The following METTL8 variants were observed in gnomAD, a reference collection of about 807,000 sequenced individuals.
METTL8 encodes methyltransferase 8, tRNA N3-cytidine.
Under a neutral mutation model 48.7 loss-of-function variants are expected in METTL8, and 32 were observed. The observed-to-expected ratio is 0.66, with a 90% CI of 0.50 to 0.88. The LOEUF is 0.88. METTL8 is among the 40% of genes least tolerant of loss of function. METTL8 has a pLI of 0.00. For synonymous variants in METTL8, 136 were observed against 157.1 expected (o/e 0.87, Z 1.01); for missense variants, 464 against 474.4 (o/e 0.98, Z 0.20).
chr2:171,339,578 GATTT>G (rs764148430), intron 3 of METTL8, 24 bp from the exon 4 acceptor site: 2 of 1,308,554 alleles, frequency 1.5e-6, no homozygotes, highest in African/African-American at 3.0e-5. Context: ...GAAAAAGAAA[GATTT>G]ATTTTACTAC....
At position 171,366,362 on chromosome 2, in the gene METTL8, T is replaced by G. The variant is rs1573997761; in HGVS notation, c.144-5849A>C. On this transcript the variant is annotated intron_variant, in intron 2 of 9. Coordinates refer to ENST00000375258, the MANE Select transcript of METTL8 (RefSeq NM_001321154.2). The stretch of plus-strand genomic sequence containing the variant: ...AGTCCCACCCAAACAACACCTAAAA[T>G]CAAACCTGATCCAAGAAGGAACTGG... Among the ~76,000 whole-genome samples, 3 of 152,104 alleles carry G rather than the reference T, an allele frequency of 2.0e-5. No homozygotes were observed. In the East Asian group the frequency reaches 5.8e-4, roughly 29 times the overall value.
chr2:171,351,132 A>T (rs189515824), intron 3 of METTL8, among the ~76,000 whole-genome samples: 58 of 152,286 alleles, frequency 3.8e-4, no homozygotes, highest in Non-Finnish European at 5.3e-4. Context: ...TCTTGAATTA[A>T]TTTTTGTATA....
chr2:171,402,684 C>T (rs754376766), intron 1 of METTL8, among the ~76,000 whole-genome samples: 3 of 152,252 alleles, frequency 2.0e-5, no homozygotes, highest in Admixed American at 6.6e-5. Flanking sequence ...GCAACAAGCA[C>T]ACCCAGTACC....
chr2:171,364,778 AAC>A (rs1320446346), intron 2 of METTL8, among the ~76,000 whole-genome samples: 13 of 152,290 alleles, frequency 8.5e-5, no homozygotes, highest in Non-Finnish European at 1.6e-4. Context: ...TTCCTGTTAC[AAC>A]TTTTAATAAT....
At position 171,339,451 on chromosome 2, in the gene METTL8, T is replaced by A. The variant is rs1204988019; in HGVS notation, c.339A>T (p.Glu113Asp). 3 of 1,613,554 alleles carry A rather than the reference T, an allele frequency of 1.9e-6. No individual in the cohort carries two copies. Among genetic ancestry groups the A allele is most frequent in the Non-Finnish European group, 2.5e-6 (3 of 1,179,758 alleles). The change falls in exon 4 of 10, where the codon GAA becomes GAT. Residue 113 changes from glutamate to aspartate, a missense_variant. By Grantham distance (45) the Glu-to-Asp change is conservative. Transcript: ENST00000375258. The stretch of plus-strand genomic sequence containing the variant: ...CAGGTTTTTGATCAACTGGAAGAAT[T>A]TCAGGAAATTCCCTCAACAGCCAAT... ...DRNWLLREFP[E>D]ILPVDQKPEE...
chr2:171,349,271 A>T (rs1057253591), intron 3 of METTL8, among the ~76,000 whole-genome samples: 1 of 152,154 alleles, frequency 6.6e-6, no homozygotes, highest in Non-Finnish European at 1.5e-5. Context: ...GCTAAAAACA[A>T]TTATGTTAGA....
chr2:171,412,241 T>C (rs558855838), intron 1 of METTL8, among the ~76,000 whole-genome samples: 5 of 152,278 alleles, frequency 3.3e-5, no homozygotes, highest in African/African-American at 1.2e-4. Context: ...ATCACCTTCA[T>C]CCTAAGGCTA....
At chr2:171,387,183 T>C (rs1688142724) in intron 2 of METTL8, among the ~76,000 whole-genome samples, 1 of 152,176 alleles carries the variant, frequency 6.6e-6, no homozygotes, top group African/African-American at 2.4e-5. Context: ...TGCCTATGCA[T>C]GGCTAAACTA....
In METTL8 at chr2:171,407,325, C is replaced by T. The variant is rs377703457; in HGVS notation, c.-12-15128G>A. Among the ~76,000 whole-genome samples, 11 of 151,450 alleles carry T rather than the reference C, an allele frequency of 7.3e-5. 1 individual carries two copies. The East Asian group carries it at 9.7e-4, about 13-fold the overall frequency. ...CATGCCTAGGTGACAGGGCAAGACC[C>T]GGACTCTAAAAGCGGGGGGGAAATG... On this transcript the variant is annotated intron_variant, in intron 1 of 9. Coordinates refer to ENST00000375258, the MANE Select transcript of METTL8 (RefSeq NM_001321154.2).
intron 2 of METTL8, among the ~76,000 whole-genome samples, chr2:171,369,130 C>A (rs189035427): frequency 1.3e-5 from 2 of 152,092 alleles, no homozygotes; most frequent in East Asian, 3.9e-4. Context: ...ACGGTGAAAC[C>A]CCGTCTCCAC....
intron 7 of METTL8, among the ~76,000 whole-genome samples, chr2:171,327,852 T>C (rs888104584): frequency 1.3e-5 from 2 of 152,250 alleles, no homozygotes; most frequent in African/African-American, 4.8e-5. Context: ...AATATTCACT[T>C]TCAATATAAA....
At chr2:171,393,212 A>G (rs1360254004) in intron 1 of METTL8, among the ~76,000 whole-genome samples, 4 of 151,740 alleles carry the variant, frequency 2.6e-5, no homozygotes, top group East Asian at 1.9e-4. Context: ...CTTGAGTCCA[A>G]GAGTTAGAGA....
intron 7 of METTL8, among the ~76,000 whole-genome samples, chr2:171,329,236 C>A (rs1322977335): frequency 6.6e-6 from 1 of 152,192 alleles, no homozygotes. Flanking sequence ...GGTGATCCAC[C>A]CACCTCGGCT....
intron 1 of METTL8, among the ~76,000 whole-genome samples, chr2:171,432,429 C>T (rs550808832): frequency 1.3e-5 from 2 of 151,980 alleles, no homozygotes; most frequent in African/African-American, 4.8e-5. Flanking sequence ...GAAATAAAGG[C>T]CACAAGAAAG....
At chr2:171,428,984 G>A (rs1204073386) in intron 1 of METTL8, among the ~76,000 whole-genome samples, 14 of 152,064 alleles carry the variant, frequency 9.2e-5, no homozygotes, top group Admixed American at 9.2e-4. Flanking sequence ...TGAAGTGCCT[G>A]GTATTCTACC....
chr2:171,340,042 CAA>C (rs543349073), intron 3 of METTL8, among the ~76,000 whole-genome samples: 50 of 150,258 alleles, frequency 3.3e-4, no homozygotes, highest in African/African-American at 1.2e-3. Context: ...ACTAAAAATA[CAA>C]AAAGTTAGCC....
chr2:171,379,587 C>T (rs1226986095), intron 2 of METTL8, among the ~76,000 whole-genome samples: 4 of 152,120 alleles, frequency 2.6e-5, no homozygotes, highest in East Asian at 1.9e-4. Context: ...CACTGACCCA[C>T]GGAAATACAA....
intron 1 of METTL8, among the ~76,000 whole-genome samples, chr2:171,420,323 T>C (rs1691746820): frequency 6.6e-6 from 1 of 152,220 alleles, no homozygotes; most frequent in South Asian, 2.1e-4. Context: ...TAGACTATTC[T>C]TTTGTCTTTT....
At chr2:171,334,940 G>A (rs1685928785) in intron 5 of METTL8, among the ~76,000 whole-genome samples, 1 of 152,208 alleles carries the variant, frequency 6.6e-6, no homozygotes, top group African/African-American at 2.4e-5. Flanking sequence ...AATATAAAAA[G>A]TGGTCGGAGA....
Sources: allele counts gnomAD v4.1 joint callset (sites outside exome capture counted in the v4.1 genomes callset), GRCh38; gene constraint gnomAD v4.1.1; transcripts MANE v1.5; gene names NCBI Gene and HGNC (gene_info 2026-07-23, HGNC 2026-07-21).